CDYL: variants seen among roughly 807,000 people sequenced by gnomAD.
CDYL encodes chromodomain Y like.
CDYL carries 8 observed loss-of-function variants against 47.3 expected under a neutral mutation model. The ratio of observed to expected loss-of-function variants is 0.17; its 90% CI spans 0.10 to 0.31. The LOEUF is 0.31. Ranked by LOEUF, CDYL falls within the 10% of genes least tolerant of loss-of-function variation. CDYL has a pLI of 1.00. For missense variants in CDYL, 471 were observed against 701.4 expected (o/e 0.67, Z 3.71); for synonymous variants, 266 against 265.0 (o/e 1.00, Z -0.04).
intron 3 of CDYL, among the ~76,000 whole-genome samples, chr6:4,739,979 T>C (rs1757768455): frequency 6.6e-6 from 1 of 151,650 alleles, no homozygotes; most frequent in African/African-American, 2.4e-5. Flanking sequence ...AAAAAAGTAA[T>C]TGATACACAC....
Position 4,942,842 on chromosome 6 carries a change from G to A in CDYL, c.1122-704G>A, listed in dbSNP as rs138483340. Among the ~76,000 whole-genome samples the A allele has an allele frequency of 1.7e-4, 26 of 152,270 alleles. No individual in the cohort carries two copies. The East Asian group carries it at 4.4e-3, about 26-fold the overall frequency. The stretch of plus-strand genomic sequence containing the variant: ...TGTCCTCCGAACTCCTGCTGCAGCC[G>A]TACCCTCCAGCCCTCAGTGGAGCAG... On this transcript the variant is annotated intron_variant, in intron 4 of 6. Coordinates refer to ENST00000397588, the MANE Select transcript of CDYL (RefSeq NM_004824.4).
At chr6:4,950,878 G>A (rs1271253987) in intron 5 of CDYL, among the ~76,000 whole-genome samples, 1 of 149,084 alleles carries the variant, frequency 6.7e-6, no homozygotes, top group Non-Finnish European at 1.5e-5. Flanking sequence ...CTTGCAGTGA[G>A]CCGATATTGC....
intron 2 of CDYL, among the ~76,000 whole-genome samples, chr6:4,917,118 C>A (rs530149186): frequency 2.6e-4 from 39 of 152,302 alleles, no homozygotes; most frequent in African/African-American, 8.4e-4. Context: ...CTTATCAAAT[C>A]GTTTGCTTTC....
rs1178382016 is a variant in CDYL at position 4,890,023 on chromosome 6, T to C, written c.25-1690T>C. The C allele has an allele frequency of 3.0e-6, 3 of 985,334 alleles. No individual in the cohort carries two copies. The East Asian group carries it at 3.4e-4, about 112-fold the overall frequency. The allele number at this position is 985,334 out of a possible 1,614,324, so 61.0% of individuals were successfully genotyped here. A position where few individuals can be genotyped will look rare whatever the true frequency, so the allele number is the denominator to read the frequency against. On this transcript the variant is annotated intron_variant, in intron 1 of 6. Transcript: ENST00000397588. ...GGAGGGAGGGGAAACAAAAGCAGTG[T>C]GCTCCACCAGGCTCCTGCCTCGGCT...
chr6:4,798,360 A>G (rs1328863985), intron 1 of CDYL, among the ~76,000 whole-genome samples: 1 of 152,216 alleles, frequency 6.6e-6, no homozygotes, highest in African/African-American at 2.4e-5. Context: ...TATTGTCACT[A>G]GTAATGACAT....
intron 1 of CDYL, among the ~76,000 whole-genome samples, chr6:4,784,817 A>G (rs987510093): frequency 1.2e-4 from 19 of 152,130 alleles, no homozygotes; most frequent in Non-Finnish European, 2.4e-4. Flanking sequence ...TGTGGGAGGT[A>G]GTTGAATCGT....
intron 2 of CDYL, among the ~76,000 whole-genome samples, chr6:4,925,099 G>C (rs548500618): frequency 6.6e-6 from 1 of 152,306 alleles, no homozygotes; most frequent in Non-Finnish European, 1.5e-5. Flanking sequence ...GTGGGTGGCT[G>C]TTTGAGTGTG....
At chr6:4,801,543 CTT>C (rs753415317) in intron 1 of CDYL, among the ~76,000 whole-genome samples, 3 of 152,172 alleles carry the variant, frequency 2.0e-5, no homozygotes, top group Non-Finnish European at 4.4e-5. Flanking sequence ...AAACTACACA[CTT>C]TGTTTTTCCT....
chr6:4,713,159 A>G (rs930866428), intron 1 of CDYL, among the ~76,000 whole-genome samples: 4 of 152,154 alleles, frequency 2.6e-5, no homozygotes, highest in African/African-American at 9.7e-5. Flanking sequence ...CTCTAGTTAC[A>G]AACCCTCATT....
intron 4 of CDYL, 97 bp from the exon 5 acceptor site, chr6:4,943,449 A>T: frequency 2.3e-6 from 2 of 851,984 alleles, no homozygotes; most frequent in Non-Finnish European, 3.7e-6. Flanking sequence ...GGATTTCCGT[A>T]GCATTTACAT....
chr6:4,784,451 A>G lies in CDYL; in HGVS notation c.24+7644A>G, dbSNP rs1758698944. On this transcript the variant is annotated intron_variant, in intron 1 of 6. Transcript: ENST00000397588. ...ACCTTCTTGATTTGGAATTTGTGAC[A>G]TGAGCAGGGATTGAGGCTTTGAACC... is the stretch of plus-strand genomic sequence containing the variant. 2.0e-5 allele frequency among the ~76,000 whole-genome samples: 3 copies of G among 152,344 alleles called. No homozygotes were observed. The South Asian group carries it at 6.2e-4, about 32-fold the overall frequency.
At chr6:4,903,320 A>C (rs907381753) in intron 2 of CDYL, among the ~76,000 whole-genome samples, 3 of 152,162 alleles carry the variant, frequency 2.0e-5, no homozygotes, top group African/African-American at 7.2e-5. Context: ...CCCAGTGCTC[A>C]AGGGAACTTC....
At chr6:4,937,182 C>G (rs1181929511) in intron 3 of CDYL, among the ~76,000 whole-genome samples, 11 of 152,000 alleles carry the variant, frequency 7.2e-5, no homozygotes, top group African/African-American at 2.4e-4. Context: ...CATAGCAAAA[C>G]TCCATCTCTA....
intron 1 of CDYL, among the ~76,000 whole-genome samples, chr6:4,875,130 C>G (rs1337076820): frequency 1.3e-5 from 2 of 152,166 alleles, no homozygotes; most frequent in African/African-American, 4.8e-5. Context: ...TTGTGCCACT[C>G]TTGACTCTGA....
At chr6:4,861,968 A>C (rs1361351016) in intron 1 of CDYL, among the ~76,000 whole-genome samples, 1 of 152,140 alleles carries the variant, frequency 6.6e-6, no homozygotes, top group Admixed American at 6.5e-5. Flanking sequence ...TCACATAGTC[A>C]TTTTTATAAA....
chr6:4,900,825 ATATATC>A (rs1757024709), intron 2 of CDYL, among the ~76,000 whole-genome samples: 1 of 82,354 alleles, frequency 1.2e-5, no homozygotes, highest in African/African-American at 4.7e-5. Context: ...ATATATATAT[ATATATC>A]TTGCCTGTTT....
At chr6:4,897,538 C>G (rs577568549) in intron 2 of CDYL, among the ~76,000 whole-genome samples, 1 of 152,304 alleles carries the variant, frequency 6.6e-6, no homozygotes, top group South Asian at 2.1e-4. Context: ...CACAGCTGCC[C>G]TCTAGGAAGA....
chr6:4,715,836 C>CA lies in CDYL; in HGVS notation c.60dup (p.Tyr21IlefsTer31). 5 of 1,614,132 alleles carry CA rather than the reference C, an allele frequency of 3.1e-6. No homozygotes were observed. The highest frequency in any genetic ancestry group is 4.2e-6 in the Non-Finnish European group (5 of 1,180,000). ...GGGAAAAAGCAGGAAGAAAAACTGG[C>CA]AATACGAGGGCCCAACCCAAAAGTT... is the stretch of plus-strand genomic sequence containing the variant. On this transcript the variant is annotated frameshift_variant, in exon 2 of 9. Coordinates refer to the CDYL transcript ENST00000328908. LOFTEE classifies it high-confidence loss of function.
chr6:4,836,556 A>T (rs1057413761), intron 1 of CDYL, among the ~76,000 whole-genome samples: 1 of 152,118 alleles, frequency 6.6e-6, no homozygotes, highest in African/African-American at 2.4e-5. Flanking sequence ...TGCAGTCAGT[A>T]CTTTGTCCTT....
Sources: gnomAD v4.1 joint callset for allele counts (sites outside exome capture counted in the v4.1 genomes callset) on GRCh38, gnomAD v4.1.1 for gene constraint, MANE v1.5 for transcripts, NCBI Gene and HGNC (gene_info 2026-07-23, HGNC 2026-07-21) for gene names.